Variants in KALRN observed in about 807,000 individuals in gnomAD.
The protein encoded by KALRN is kalirin RhoGEF kinase.
In KALRN, 70 loss-of-function variants were observed where a neutral mutation model predicts 353.7. The ratio of observed to expected loss-of-function variants is 0.20; its 90% CI spans 0.16 to 0.24. The LOEUF is 0.24. Ranked by LOEUF, KALRN falls within the 10% of genes least tolerant of loss-of-function variation. KALRN has a pLI of 1.00. For missense variants in KALRN, 2,791 were observed against 3,756.7 expected, an observed-to-expected ratio of 0.74 and a Z score of 6.72; for synonymous variants, 1,391 against 1,434.8, an observed-to-expected ratio of 0.97 and a Z score of 0.69.
At chr3:124,120,151 G>A (rs1321545811) in intron 1 of KALRN, among the ~76,000 whole-genome samples, 1 of 152,182 alleles carries the variant, frequency 6.6e-6, no homozygotes, top group East Asian at 1.9e-4. Flanking sequence ...GGGTACATGG[G>A]GTGATGAGGA....
chr3:124,433,831 A>C (rs2093372620), intron 16 of KALRN, among the ~76,000 whole-genome samples: 1 of 152,180 alleles, frequency 6.6e-6, no homozygotes, highest in Non-Finnish European at 1.5e-5. Context: ...TAATGTTTTA[A>C]ATGATTGCAT....
At chr3:124,485,303 A>G (rs2062435897) in intron 28 of KALRN, among the ~76,000 whole-genome samples, 1 of 152,228 alleles carries the variant, frequency 6.6e-6, no homozygotes, top group Admixed American at 6.5e-5. Context: ...AGTGTCTTAA[A>G]TCAACTAAGA....
At chr3:124,678,385 AT>A (rs1356662633) in intron 50 of KALRN, 72 bp downstream of exon 50, 1 of 1,533,200 alleles carries the variant, frequency 6.5e-7, no homozygotes, top group East Asian at 2.3e-5. Flanking sequence ...TCACAAGCCA[AT>A]TTGGGTGGAT....
At chr3:124,213,633 A>C (rs1347247906) in intron 1 of KALRN, among the ~76,000 whole-genome samples, 1 of 152,152 alleles carries the variant, frequency 6.6e-6, no homozygotes, top group Non-Finnish European at 1.5e-5. Flanking sequence ...TTAGCTTTTT[A>C]ATCCAAAAAC....
At chr3:124,260,127 A>T (rs924498177) in intron 3 of KALRN, among the ~76,000 whole-genome samples, 1 of 152,204 alleles carries the variant, frequency 6.6e-6, no homozygotes, top group South Asian at 2.1e-4. Context: ...TGATTCTAAC[A>T]TTGTGGTGCC....
rs16835884 is a variant in KALRN, at chr3:124,702,939, A to C, written c.8075+823A>C. Among the ~76,000 whole-genome samples the C allele has an allele frequency of 0.013, 2,046 of 152,344 alleles. 88 individuals carry two copies. In the East Asian group the frequency reaches 0.17, roughly 13 times the overall value. Reference sequence around the variant, plus strand: ...GCCCACAAAATAGTCTATGGGAAAGAAACAAAAGGCATTCATCCCTATGCA... The same window carrying C: ...GCCCACAAAATAGTCTATGGGAAAGCAACAAAAGGCATTCATCCCTATGCA... On this transcript the variant is annotated intron_variant, in intron 57 of 59. Transcript: ENST00000682506.
At chr3:124,366,249 C>T (rs1444289082) in intron 10 of KALRN, among the ~76,000 whole-genome samples, 24 of 146,634 alleles carry the variant, frequency 1.6e-4, no homozygotes, top group African/African-American at 5.9e-4. Context: ...GTGTTTCTCA[C>T]AGAGGGGGAT....
intron 1 of KALRN, among the ~76,000 whole-genome samples, chr3:124,113,100 A>G (rs2063142128): frequency 1.3e-5 from 2 of 152,176 alleles, no homozygotes; most frequent in African/African-American, 4.8e-5. Context: ...TTCAGGCAGT[A>G]TGCTGAGTAG....
chr3:124,173,857 G>A (rs746526936), intron 1 of KALRN, among the ~76,000 whole-genome samples: 12 of 151,912 alleles, frequency 7.9e-5, no homozygotes, highest in South Asian at 2.1e-4. Context: ...CTCGTGATCC[G>A]CCCACCTCGG....
At chr3:124,309,845 G>A (rs2078075680) in intron 6 of KALRN, among the ~76,000 whole-genome samples, 2 of 152,114 alleles carry the variant, frequency 1.3e-5, no homozygotes, top group Admixed American at 6.6e-5. Context: ...ATAGTATACT[G>A]GATACTTCCC....
intron 34 of KALRN, among the ~76,000 whole-genome samples, chr3:124,594,370 C>T (rs557661067): frequency 1.1e-4 from 16 of 152,218 alleles, no homozygotes; most frequent in East Asian, 7.7e-4. Flanking sequence ...GGACTACAGG[C>T]GTGCGCCACC....
intron 43 of KALRN, 43 bp from the exon 44 acceptor site, chr3:124,660,880 T>C: frequency 7.1e-7 from 1 of 1,405,200 alleles, no homozygotes; most frequent in Non-Finnish European, 1.0e-6. Flanking sequence ...TTTTACTAAT[T>C]TTACCCCTTC....
chr3:124,475,868 C>T (rs1008564067), intron 26 of KALRN, among the ~76,000 whole-genome samples: 1 of 152,094 alleles, frequency 6.6e-6, no homozygotes, highest in Non-Finnish European at 1.5e-5. Context: ...ACATTTTCTA[C>T]CCCTAAATAT....
At chr3:124,639,824 A>G (rs144349339) in intron 37 of KALRN, among the ~76,000 whole-genome samples, 4 of 152,364 alleles carry the variant, frequency 2.6e-5, no homozygotes, top group South Asian at 2.1e-4. Flanking sequence ...AATTAGAGCT[A>G]TCTTTGGCTT....
chr3:124,532,456 A>G (rs2068121293), intron 33 of KALRN, among the ~76,000 whole-genome samples: 2 of 152,314 alleles, frequency 1.3e-5, no homozygotes, highest in East Asian at 3.9e-4. Flanking sequence ...TAATTCTGCT[A>G]TTGATCAGGT....
At chr3:124,226,686 C>G (rs2078546729) in intron 1 of KALRN, among the ~76,000 whole-genome samples, 1 of 152,196 alleles carries the variant, frequency 6.6e-6, no homozygotes, top group Non-Finnish European at 1.5e-5. Flanking sequence ...GGCCAGTGAT[C>G]TTACGCCTGG....
intron 33 of KALRN, among the ~76,000 whole-genome samples, chr3:124,498,756 T>A (rs961636947): frequency 6.6e-6 from 1 of 152,122 alleles, no homozygotes; most frequent in Non-Finnish European, 1.5e-5. Flanking sequence ...ATGTTCTTAC[T>A]CTTCTAACAC....
intron 3 of KALRN, among the ~76,000 whole-genome samples, chr3:124,241,151 T>C (rs1219371185): frequency 6.6e-6 from 1 of 152,218 alleles, no homozygotes; most frequent in African/African-American, 2.4e-5. Context: ...CTGACTCTCC[T>C]ACTTCCCCCA....
chr3:124,264,625 A>C lies in KALRN; in HGVS notation c.391A>C (p.Ile131Leu). ...FPAEIHVALI[I>L]KPDNFWQKQK... is the part of the protein sequence containing the mutation. ...AGCTGAGATCCATGTGGCCCTCATC[A>C]TTAAACCCGACAACTTCTGGCAGAA... The change falls in exon 4 of 60, where the codon ATT (isoleucine) becomes CTT (leucine). Residue 131 changes from isoleucine (I) to leucine (L), a missense_variant. By Grantham distance (5) the Ile-to-Leu change is conservative (BLOSUM62 2). Around this residue, in one of 11 missense-constraint regions of KALRN, gnomAD observed 110 missense variants for 204.1 expected, o/e 0.54. Transcript: ENST00000682506. 1 of 1,614,178 alleles carries C rather than the reference A, an allele frequency of 6.2e-7. No individual in the cohort carries two copies. The highest frequency in any genetic ancestry group is 8.5e-7 in the Non-Finnish European group (1 of 1,180,026).
Sources: gnomAD v4.1 joint callset for allele counts (sites outside exome capture counted in the v4.1 genomes callset) on GRCh38, gnomAD v4.1.1 for gene constraint, gnomAD v4.1.1 regional missense constraint, MANE v1.5 for transcripts, NCBI Gene and HGNC (gene_info 2026-07-23, HGNC 2026-07-21) for gene names.